The following METTL15 variants were observed in gnomAD, a reference collection of about 807,000 sequenced individuals.
METTL15 encodes the protein 12S rRNA N(4)-cytidine methyltransferase METTL15.
A neutral mutation model predicts 38.3 loss-of-function variants in METTL15; 34 were observed. That is an observed-to-expected ratio of 0.89 (90% CI 0.68 to 1.18). The LOEUF (loss-of-function observed/expected upper bound fraction) is 1.18. Among genes scored for constraint, METTL15 ranks in the 50% most tolerant of loss-of-function variants. The pLI is 0.00. For synonymous variants in METTL15, 162 were observed against 170.9 expected (o/e 0.95, Z 0.41); for missense variants, 438 against 498.4 (o/e 0.88, Z 1.15).
downstream of METTL15, among the ~76,000 whole-genome samples, chr11:28,527,424 C>T (rs2133518745): frequency 6.6e-6 from 1 of 152,190 alleles, no homozygotes; most frequent in Admixed American, 6.5e-5. Context: ...CTCACTTGAC[C>T]ATTCATTTAT....
At chr11:28,154,347 T>C (rs1351499981) in intron 3 of METTL15, among the ~76,000 whole-genome samples, 14 of 152,152 alleles carry the variant, frequency 9.2e-5, no homozygotes, top group Admixed American at 9.2e-4. Flanking sequence ...AGTAAATTCT[T>C]GGTAAATCTT....
At chr11:28,238,972 C>G (rs564157440) in intron 4 of METTL15, among the ~76,000 whole-genome samples, 4 of 151,200 alleles carry the variant, frequency 2.6e-5, no homozygotes, top group African/African-American at 9.7e-5. Flanking sequence ...TTTTTTTTTC[C>G]TATCTGTACT....
chr11:28,136,439 C>T lies in METTL15; in HGVS notation c.270+22835C>T, dbSNP rs112782983. 2.6e-5 allele frequency among the ~76,000 whole-genome samples: 4 copies of T among 152,206 alleles called. No homozygotes were observed. The South Asian group carries it at 8.3e-4, about 32-fold the overall frequency. On this transcript the variant is annotated intron_variant, in intron 3 of 6. Transcript: ENST00000407364. ...GCCATGATTGTGTGGGCTCCCCATCCGTGTGGAACTGTGAGTCCATTAAAC... is the reference window on the plus strand; with the variant it reads ...GCCATGATTGTGTGGGCTCCCCATCTGTGTGGAACTGTGAGTCCATTAAAC...
At chr11:28,503,143 G>A (rs887534458) in intron 6 of METTL15, among the ~76,000 whole-genome samples, 2 of 152,148 alleles carry the variant, frequency 1.3e-5, no homozygotes, top group African/African-American at 4.8e-5. Context: ...TTGCAGTGGT[G>A]TACAGTATTG....
chr11:28,245,065 A>G (rs1048730887), intron 4 of METTL15, among the ~76,000 whole-genome samples: 9 of 152,162 alleles, frequency 5.9e-5, no homozygotes, highest in East Asian at 1.9e-4. Flanking sequence ...TAGACAGGCA[A>G]TGTCTTAATT....
chr11:28,463,287 C>T (rs1022055050), intron 6 of METTL15, among the ~76,000 whole-genome samples: 3 of 152,016 alleles, frequency 2.0e-5, no homozygotes, highest in African/African-American at 7.2e-5. Context: ...TAGAATACCA[C>T]CCAAAACAAG....
At chr11:28,322,700 T>A (rs1158352348) in intron 6 of METTL15, among the ~76,000 whole-genome samples, 1 of 152,168 alleles carries the variant, frequency 6.6e-6, no homozygotes, top group Non-Finnish European at 1.5e-5. Flanking sequence ...TTTCCCAGAC[T>A]GTGACTGTCA....
intron 5 of METTL15, among the ~76,000 whole-genome samples, chr11:28,396,939 C>T (rs1359109416): frequency 1.0e-4 from 15 of 150,430 alleles, no homozygotes; most frequent in Non-Finnish European, 1.9e-4. Context: ...TAATACCACA[C>T]ATGTACAACC....
At chr11:28,210,922 C>A in intron 3 of METTL15, 140 bp from the exon 4 acceptor site, 2 of 885,446 alleles carry the variant, frequency 2.3e-6, no homozygotes, top group Non-Finnish European at 3.3e-6. Flanking sequence ...ACAAATTCAA[C>A]TATAGGCACA....
chr11:28,177,998 A>G (rs1397250443), intron 3 of METTL15, among the ~76,000 whole-genome samples: 2 of 152,000 alleles, frequency 1.3e-5, no homozygotes, highest in African/African-American at 2.4e-5. Flanking sequence ...GTTGGGACTT[A>G]AACACTTTTG....
At chr11:28,329,764 C>T (rs1421714936) in intron 6 of METTL15, among the ~76,000 whole-genome samples, 2 of 152,154 alleles carry the variant, frequency 1.3e-5, no homozygotes, top group African/African-American at 4.8e-5. Flanking sequence ...GACCTATTCA[C>T]AGTGGATTGT....
At chr11:28,296,399 C>T (rs528773512) in intron 5 of METTL15, among the ~76,000 whole-genome samples, 2 of 152,154 alleles carry the variant, frequency 1.3e-5, no homozygotes, top group East Asian at 3.9e-4. Context: ...AACATTCAAG[C>T]AGTAATTTAA....
At chr11:28,405,319 A>G (rs1850664539) in intron 5 of METTL15, among the ~76,000 whole-genome samples, 1 of 152,212 alleles carries the variant, frequency 6.6e-6, no homozygotes, top group Non-Finnish European at 1.5e-5. Flanking sequence ...GAGATAAATA[A>G]GGAATTCAAA....
intron 3 of METTL15, among the ~76,000 whole-genome samples, chr11:28,130,981 A>T (rs915031477): frequency 1.3e-5 from 2 of 152,132 alleles, no homozygotes; most frequent in Non-Finnish European, 2.9e-5. Flanking sequence ...ACCTTGGATC[A>T]GTTTATTTTG....
chr11:28,305,345 A>G (rs1185812411), intron 6 of METTL15, among the ~76,000 whole-genome samples: 1 of 152,160 alleles, frequency 6.6e-6, no homozygotes, highest in African/African-American at 2.4e-5. Context: ...ATTGATAATA[A>G]TAATGATAAA....
rs183689763 is a variant in METTL15 at position 28,290,135 on chromosome 11, A to G, written c.408-71A>G. 4.6e-6 allele frequency: 6 copies of G among 1,305,344 alleles called. No individual in the cohort carries two copies. In the African/African-American group the frequency reaches 7.4e-5, roughly 16 times the overall value. The allele number at this position is 1,305,344 out of a possible 1,614,324, so 80.9% of individuals were successfully genotyped here. ...GTAATAATAGAATGTGCTCCCTTCC[A>G]TTGATCATAGACTTTAGAAAGACTT... On this transcript the variant is annotated intron_variant, in intron 4 of 6. Coordinates refer to ENST00000407364, the MANE Select transcript of METTL15 (RefSeq NM_001113528.2).
intron 5 of METTL15, among the ~76,000 whole-genome samples, chr11:28,396,121 C>A (rs1235403456): frequency 6.6e-6 from 1 of 152,116 alleles, no homozygotes; most frequent in Non-Finnish European, 1.5e-5. Flanking sequence ...CTGTTTATGA[C>A]AAACCCACAG....
At chr11:28,375,845 C>A (rs966789853) in intron 5 of METTL15, among the ~76,000 whole-genome samples, 1 of 151,190 alleles carries the variant, frequency 6.6e-6, no homozygotes, top group Non-Finnish European at 1.5e-5. Context: ...TGAATGCGTC[C>A]CAGAGATTCT....
chr11:28,310,574 T>C (rs1003478794), intron 6 of METTL15, among the ~76,000 whole-genome samples: 4 of 152,174 alleles, frequency 2.6e-5, no homozygotes, highest in African/African-American at 9.7e-5. Context: ...TTCCCTAAGA[T>C]ATCACAGCTT....
Sources: allele counts gnomAD v4.1 joint callset (sites outside exome capture counted in the v4.1 genomes callset), GRCh38; gene constraint gnomAD v4.1.1; transcripts MANE v1.5; gene names NCBI Gene and HGNC (gene_info 2026-07-23, HGNC 2026-07-21).